ULK4: variants seen among roughly 807,000 people sequenced by gnomAD.
ULK4 encodes the protein unc-51 like kinase 4.
In ULK4, 133 loss-of-function variants were observed where a neutral mutation model predicts 160.6. That is an observed-to-expected ratio of 0.83 (90% confidence interval 0.72 to 0.96). The LOEUF is 0.96. Among genes scored for constraint, ULK4 ranks in the 40% least tolerant of loss-of-function variants. The pLI is 0.00. For synonymous variants in ULK4, 534 were observed against 539.8 expected (o/e 0.99, Z 0.15); for missense variants, 1,580 against 1,499.5 (o/e 1.05, Z -0.89).
At chr3:41,739,906 G>C (rs924731903) in intron 22 of ULK4, among the ~76,000 whole-genome samples, 3 of 151,780 alleles carry the variant, frequency 2.0e-5, no homozygotes, top group Admixed American at 6.6e-5. Flanking sequence ...ATATCATTAT[G>C]AATCTCTCTA....
intron 35 of ULK4, among the ~76,000 whole-genome samples, chr3:41,264,119 T>A (rs1001000147): frequency 3.9e-5 from 6 of 151,996 alleles, no homozygotes. Flanking sequence ...CATGAGAACA[T>A]GTGAGGGACT....
At chr3:41,516,563 A>C (rs1055039218) in intron 32 of ULK4, among the ~76,000 whole-genome samples, 1 of 152,128 alleles carries the variant, frequency 6.6e-6, no homozygotes, top group African/African-American at 2.4e-5. Context: ...CATTGGGTTA[A>C]GTGAAATAAG....
At chr3:41,864,932 T>G (rs2042584364) in intron 17 of ULK4, among the ~76,000 whole-genome samples, 1 of 151,944 alleles carries the variant, frequency 6.6e-6, no homozygotes. Context: ...ATCTTTTCCA[T>G]TAGCCCTTAC....
chr3:41,572,781 A>C (rs2088043609), intron 31 of ULK4, among the ~76,000 whole-genome samples: 1 of 151,428 alleles, frequency 6.6e-6, no homozygotes, highest in African/African-American at 2.4e-5. Context: ...AAAAAAAAAA[A>C]AGATATATAA....
chr3:41,749,320 T>C (rs1433984565), intron 22 of ULK4, among the ~76,000 whole-genome samples: 5 of 151,972 alleles, frequency 3.3e-5, no homozygotes, highest in African/African-American at 9.7e-5. Context: ...CCGTCCCTAC[T>C]AAAAATACAA....
intron 17 of ULK4, among the ~76,000 whole-genome samples, chr3:41,857,226 A>T (rs1240835399): frequency 6.6e-6 from 1 of 152,182 alleles, no homozygotes; most frequent in Non-Finnish European, 1.5e-5. Context: ...CTAGAGGGCC[A>T]GCTTTCCCCA....
intron 35 of ULK4, among the ~76,000 whole-genome samples, chr3:41,338,626 TTGG>T (rs1553644691): frequency 6.6e-6 from 1 of 152,146 alleles, no homozygotes; most frequent in Non-Finnish European, 1.5e-5. Context: ...CAGTCCCTAG[TTGG>T]AGTCCAGGGA....
intron 17 of ULK4, among the ~76,000 whole-genome samples, chr3:41,869,293 T>C (rs377741580): frequency 7.2e-5 from 11 of 152,198 alleles, no homozygotes; most frequent in African/African-American, 2.7e-4. Flanking sequence ...TTATGGGCTA[T>C]ACAGGGCACC....
intron 35 of ULK4, among the ~76,000 whole-genome samples, chr3:41,388,839 G>T (rs1404997077): frequency 2.0e-5 from 3 of 152,268 alleles, no homozygotes; most frequent in South Asian, 2.1e-4. Context: ...TTTGGCTTAG[G>T]ATTGACTTGG....
intron 35 of ULK4, among the ~76,000 whole-genome samples, chr3:41,332,674 CA>C (rs2080470676): frequency 6.6e-6 from 1 of 152,132 alleles, no homozygotes; most frequent in South Asian, 2.1e-4. Flanking sequence ...ATTTTAGATT[CA>C]GGGGGTATAT....
chr3:41,300,840 TATATATATATATATATATATATA>T (rs1559512078), intron 35 of ULK4, among the ~76,000 whole-genome samples: 9 of 22,208 alleles, frequency 4.1e-4, no homozygotes, highest in African/African-American at 1.4e-3. Flanking sequence ...TTACAGATTA[TATATATATATATATATATATATA>T]TATATATATA....
At chr3:41,533,972 T>C (rs965673809) in intron 32 of ULK4, among the ~76,000 whole-genome samples, 1 of 152,074 alleles carries the variant, frequency 6.6e-6, no homozygotes, top group African/African-American at 2.4e-5. Context: ...CACGCCCGGC[T>C]AATTTTTTGT....
At chr3:41,441,040 A>T (rs2083155500) in intron 34 of ULK4, among the ~76,000 whole-genome samples, 1 of 151,800 alleles carries the variant, frequency 6.6e-6, no homozygotes, top group Non-Finnish European at 1.5e-5. Flanking sequence ...TTTTTCCCTG[A>T]TTAGTATGGC....
At position 41,954,645 on chromosome 3, in the gene ULK4, T is replaced by C; in HGVS notation, c.115A>G (p.Lys39Glu). The C allele has an allele frequency of 6.2e-7, 1 of 1,613,682 alleles. No individual in the cohort carries two copies. The highest frequency in any genetic ancestry group is 2.2e-5 in the East Asian group (1 of 44,864). ...ACCCAGTTGGTTATTTCAGGCCTTT[T>C]GCACTTATCAGTACAAAGAATGGCT... Reference protein sequence around the residue: ...FVAILCTDKCKRPEITNWVRL... With the variant: ...FVAILCTDKCERPEITNWVRL... Residue 39 changes from lysine (K) to glutamate (E), a missense_variant, in exon 2 of 37, where the codon AAA becomes GAA. Transcript: ENST00000301831.
rs1165701400 is a variant in ULK4, at chr3:41,938,087, C to T, written c.238+11G>A. ...CTATATTCATAGCACTTTTTACATA[C>T]TCTTTCTTACCTGTGCAGAGTTCCA... On this transcript the variant is annotated intron_variant, in intron 3 of 36. Transcript: ENST00000301831. The T allele has an allele frequency of 6.3e-7, 1 of 1,575,708 alleles. No individual in the cohort carries two copies. The highest frequency in any genetic ancestry group is 1.4e-5 in the African/African-American group (1 of 73,368).
At chr3:41,697,868 T>C (rs1271351008) in intron 27 of ULK4, among the ~76,000 whole-genome samples, 1 of 152,210 alleles carries the variant, frequency 6.6e-6, no homozygotes, top group East Asian at 1.9e-4. Context: ...AGTAATGTCC[T>C]AGGCCTTCAG....
intron 35 of ULK4, among the ~76,000 whole-genome samples, chr3:41,344,660 T>A (rs952739680): frequency 4.1e-5 from 6 of 146,494 alleles, no homozygotes; most frequent in Non-Finnish European, 7.4e-5. Flanking sequence ...GGCTGAGGCA[T>A]GAGAAATGCT....
In ULK4 at chr3:41,557,639, G is replaced by A. The variant is rs1014838794; in HGVS notation, c.3226+8386C>T. 9.3e-5 allele frequency among the ~76,000 whole-genome samples: 14 copies of A among 151,276 alleles called. No homozygotes were observed. In the South Asian group the frequency reaches 1.9e-3, roughly 20 times the overall value. On this transcript the variant is annotated intron_variant, in intron 32 of 36. Transcript: ENST00000301831. Reference sequence around the variant, plus strand: ...AAATTAGCCAGGCATGGTGGCACGCGCCTGTTGTCCTAGTTACTTGGGAGG... The same window carrying A: ...AAATTAGCCAGGCATGGTGGCACGCACCTGTTGTCCTAGTTACTTGGGAGG...
Position 41,772,458 on chromosome 3 carries a change from T to C in ULK4, c.2193+17203A>G, listed in dbSNP as rs578085607. On this transcript the variant is annotated intron_variant, in intron 21 of 36. Coordinates refer to ENST00000301831, the MANE Select transcript of ULK4 (RefSeq NM_017886.4). ...TATAAACACCTCTACGCAAATAAAC[T>C]AGAAAATCTAGAAGAAATGGATAAA... Among the ~76,000 whole-genome samples the C allele has an allele frequency of 2.0e-5, 3 of 152,118 alleles. No homozygotes were observed. The East Asian group carries it at 5.8e-4, about 29-fold the overall frequency.
Sources: allele counts gnomAD v4.1 joint callset (sites outside exome capture counted in the v4.1 genomes callset), GRCh38; gene constraint gnomAD v4.1.1; transcripts MANE v1.5; gene names NCBI Gene and HGNC (gene_info 2026-07-23, HGNC 2026-07-21).